The following CRTC1 variants were observed in gnomAD, a reference collection of about 807,000 sequenced individuals.
CRTC1 encodes the protein CREB-regulated transcription coactivator 1.
A neutral mutation model predicts 66.1 loss-of-function variants in CRTC1; 18 were observed. That is an observed-to-expected ratio of 0.27 (90% CI 0.19 to 0.40). The LOEUF is 0.40. CRTC1 is among the 10% of genes least tolerant of loss of function. CRTC1 has a pLI of 1.00. For missense variants in CRTC1, 669 were observed against 887.9 expected (o/e 0.75, Z 3.13); for synonymous variants, 416 against 398.8 (o/e 1.04, Z -0.51).
chr19:18,693,770 A>G (rs1308383638), intron 1 of CRTC1, among the ~76,000 whole-genome samples: 8 of 150,062 alleles, frequency 5.3e-5, no homozygotes, highest in East Asian at 4.2e-4. Flanking sequence ...GTGAGCCACC[A>G]TTCCCGGCCC....
rs2054861273 is a variant in CRTC1, at chr19:18,771,262, A to C, written c.1321-180A>C. Among the ~76,000 whole-genome samples the C allele has an allele frequency of 6.6e-6, 1 of 151,782 alleles. No homozygotes were observed. Among genetic ancestry groups the C allele is most frequent in the South Asian group, 2.1e-4 (1 of 4,826 alleles). The stretch of plus-strand genomic sequence containing the variant: ...GGGGCAGCTCCCCGGAGGCTCAGGT[A>C]CCCACCTTTCCTGCAGGTGTCCAGG... On this transcript the variant is annotated intron_variant, in intron 10 of 13. Coordinates refer to ENST00000321949, the MANE Select transcript of CRTC1 (RefSeq NM_015321.3). The surrounding 1 kb of genome is among the most constrained non-coding windows in gnomAD (Gnocchi z 4.6).
At chr19:18,765,257 GCC>G in intron 8 of CRTC1, 145 bp from the exon 9 acceptor site, 1 of 1,208,336 alleles carries the variant, frequency 8.3e-7, no homozygotes, top group Non-Finnish European at 1.1e-6. Flanking sequence ...TTCGGGGGGT[GCC>G]CAGGTTTGGC....
At chr19:18,709,413 GGA>G (rs1157552266) in intron 1 of CRTC1, among the ~76,000 whole-genome samples, 3 of 152,192 alleles carry the variant, frequency 2.0e-5, no homozygotes, top group Non-Finnish European at 4.4e-5. Flanking sequence ...CTGGTGCAGG[GGA>G]CAGGCCAGGT....
chr19:18,748,119 C>T (rs922019962), intron 4 of CRTC1, among the ~76,000 whole-genome samples: 1 of 152,026 alleles, frequency 6.6e-6, no homozygotes, highest in Non-Finnish European at 1.5e-5. Flanking sequence ...TAAAAACATA[C>T]AATAATATAG....
At chr19:18,696,650 A>G (rs541764812) in intron 1 of CRTC1, among the ~76,000 whole-genome samples, 3 of 152,088 alleles carry the variant, frequency 2.0e-5, no homozygotes, top group Non-Finnish European at 4.4e-5. Flanking sequence ...GTTGAGAAGC[A>G]TAGAGGTTGT....
At chr19:18,721,957 C>T (rs1029478) in intron 1 of CRTC1, among the ~76,000 whole-genome samples, 1 of 152,222 alleles carries the variant, frequency 6.6e-6, no homozygotes, top group Non-Finnish European at 1.5e-5. Context: ...TGGGTCTGCC[C>T]AGGAGGTGCT....
chr19:18,736,072 C>G (rs1600884387), intron 1 of CRTC1, among the ~76,000 whole-genome samples: 1 of 152,276 alleles, frequency 6.6e-6, no homozygotes, highest in African/African-American at 2.4e-5. Flanking sequence ...GTTGACCCAG[C>G]TGGGCTTCAC....
chr19:18,750,109 G>A (rs2240887), intron 5 of CRTC1, among the ~76,000 whole-genome samples: 27,908 of 152,226 alleles, frequency 0.18, 2,602 homozygotes, highest in Middle Eastern at 0.26. Context: ...GCAGGCGCAC[G>A]TTGGCTCCCA....
chr19:18,706,253 G>A (rs2053264077), intron 1 of CRTC1, among the ~76,000 whole-genome samples: 1 of 120,552 alleles, frequency 8.3e-6, no homozygotes, highest in South Asian at 2.6e-4. Flanking sequence ...CTCTCAGGCT[G>A]GAGTGCAGTG....
At chr19:18,733,755 C>T (rs1408020677) in intron 1 of CRTC1, among the ~76,000 whole-genome samples, 1 of 152,180 alleles carries the variant, frequency 6.6e-6, no homozygotes, top group Non-Finnish European at 1.5e-5. Flanking sequence ...AGTTGACAGC[C>T]AGAATGAACT....
chr19:18,708,872 G>A lies in CRTC1; in HGVS notation c.126+25044G>A, dbSNP rs552769048. On this transcript the variant is annotated intron_variant, in intron 1 of 13. Coordinates refer to ENST00000321949, the MANE Select transcript of CRTC1 (RefSeq NM_015321.3). ...CCTACTCAGCCACCCTGCCCACGCC[G>A]TGGCAAGCCCAGAGCTGTGCTCAGT... Among the ~76,000 whole-genome samples the A allele has an allele frequency of 1.4e-3, 211 of 152,304 alleles. 2 individuals carry two copies. Among genetic ancestry groups the A allele is most frequent in the Admixed American group, 0.013 (198 of 15,300 alleles).
intron 5 of CRTC1, among the ~76,000 whole-genome samples, chr19:18,753,004 A>G (rs893360291): frequency 1.2e-4 from 18 of 151,434 alleles, no homozygotes; most frequent in African/African-American, 3.1e-4. Context: ...GGTGGCGCAC[A>G]CCTGTAATCC....
At chr19:18,742,796 C>A (rs2054139717) in intron 1 of CRTC1, 114 bp from the exon 2 acceptor site, 2 of 754,466 alleles carry the variant, frequency 2.7e-6, no homozygotes, top group Non-Finnish European at 4.6e-6. Context: ...CTGCAAACTT[C>A]TGCACTTAGG....
In CRTC1 at chr19:18,723,478, G is replaced by A. The variant is rs1232754892; in HGVS notation, c.127-19432G>A. Among the ~76,000 whole-genome samples, 4 of 152,322 alleles carry A rather than the reference G, an allele frequency of 2.6e-5. No homozygotes were observed. The South Asian group carries it at 6.2e-4, about 24-fold the overall frequency. ...GCAGGGCGTGAGGAAGGGATGAAGG[G>A]TGGGTGTCTGTGTCACCACAGCCCA... On this transcript the variant is annotated intron_variant, in intron 1 of 13. Coordinates refer to ENST00000321949, the MANE Select transcript of CRTC1 (RefSeq NM_015321.3).
At position 18,771,438 on chromosome 19, in the gene CRTC1, G is replaced by T. The variant is rs540673852; in HGVS notation, c.1321-4G>T. The T allele has an allele frequency of 1.9e-6, 3 of 1,610,678 alleles. No individual in the cohort carries two copies. Among genetic ancestry groups the T allele is most frequent in the South Asian group, 1.1e-5 (1 of 90,574 alleles). ...GCGGCGTGCTGATCTGTCTGTCATC[G>T]CAGGCGCCGGCTCTGCAGCAGTACC... On this transcript the variant is annotated splice_region_variant and splice_polypyrimidine_tract_variant and intron_variant, in intron 10 of 13. Transcript: ENST00000321949. This position sits in a 1 kb window ranked among gnomAD's most constrained non-coding sequence, Gnocchi z 4.6.
At chr19:18,701,359 C>G (rs1426510481) in intron 1 of CRTC1, among the ~76,000 whole-genome samples, 1 of 152,266 alleles carries the variant, frequency 6.6e-6, no homozygotes, top group Non-Finnish European at 1.5e-5. Context: ...TTAGATGATG[C>G]ATCCACGCAA....
chr19:18,747,684 TTC>T (rs1370414392), intron 4 of CRTC1, among the ~76,000 whole-genome samples: 1 of 152,184 alleles, frequency 6.6e-6, no homozygotes, highest in Non-Finnish European at 1.5e-5. Context: ...AGCTTGCTCT[TTC>T]CTATTTAATG....
chr19:18,703,564 G>A (rs1247076372), intron 1 of CRTC1, among the ~76,000 whole-genome samples: 1 of 152,108 alleles, frequency 6.6e-6, no homozygotes, highest in Non-Finnish European at 1.5e-5. Flanking sequence ...CCAGGTTCAA[G>A]CGATTCTGGT....
chr19:18,771,346 T>C lies in CRTC1; in HGVS notation c.1321-96T>C. 1 of 1,059,794 alleles carries C rather than the reference T, an allele frequency of 9.4e-7. No homozygotes were observed. Among genetic ancestry groups the C allele is most frequent in the Non-Finnish European group, 1.4e-6 (1 of 734,036 alleles). 65.6% of individuals were successfully genotyped at this position (1,059,794 alleles called of 1,614,324 possible). On this transcript the variant is annotated intron_variant, in intron 10 of 13. Transcript: ENST00000321949. The surrounding 1 kb of genome is among the most constrained non-coding windows in gnomAD (Gnocchi z 4.6). ...CCAAGGTGTGAGGGGCGGGGGGACC[T>C]GCCTGGGGGCTGATCAGGCTGCTCC...
Sources: gnomAD v4.1 joint callset for allele counts (sites outside exome capture counted in the v4.1 genomes callset) on GRCh38, gnomAD v4.1.1 for gene constraint, Gnocchi (gnomAD v3.1) non-coding constraint, MANE v1.5 for transcripts, NCBI Gene and HGNC (gene_info 2026-07-23, HGNC 2026-07-21) for gene names.